Variants in RPS6KC1 observed in about 807,000 individuals in gnomAD.
RPS6KC1 encodes inactive ribosomal protein S6 kinase delta-1.
RPS6KC1 carries 54 observed loss-of-function variants against 103.8 expected under a neutral mutation model. That is an observed-to-expected ratio of 0.52 (90% CI 0.42 to 0.65). RPS6KC1 has a LOEUF of 0.65. Among genes scored for constraint, RPS6KC1 ranks in the 30% least tolerant of loss-of-function variants. The pLI, the probability that RPS6KC1 is intolerant of heterozygous loss-of-function variation, is 0.00. For missense variants in RPS6KC1, 1,151 were observed against 1,253.8 expected (o/e 0.92, Z 1.24); for synonymous variants, 439 against 438.7 (o/e 1.00, Z -0.01).
the RPS6KC1 span, among the ~76,000 whole-genome samples, chr1:213,778,451 C>G: frequency 7.3e-3 from 1,119 of 152,246 alleles, 13 homozygotes; most frequent in African/African-American, 0.026. Flanking sequence ...GGTTTCTCCT[C>G]CTCCATATAA....
intron 6 of RPS6KC1, among the ~76,000 whole-genome samples, chr1:213,146,700 C>T (rs1185527585): frequency 6.6e-6 from 1 of 152,014 alleles, no homozygotes; most frequent in Non-Finnish European, 1.5e-5. Flanking sequence ...GCTGGGATTA[C>T]AGGTGTGAGC....
chr1:213,081,557 T>A (rs1273776109), intron 3 of RPS6KC1, among the ~76,000 whole-genome samples: 2 of 152,106 alleles, frequency 1.3e-5, no homozygotes, highest in Non-Finnish European at 2.9e-5. Flanking sequence ...CCTTCCCAGA[T>A]TGTACTAGGG....
chr1:213,742,385 G>T, the RPS6KC1 span, among the ~76,000 whole-genome samples: 3 of 152,324 alleles, frequency 2.0e-5, no homozygotes, highest in Admixed American at 2.0e-4. Flanking sequence ...TTTCTTCAAA[G>T]ACTATTTTAC....
At chr1:213,172,081 A>G (rs553332460) in intron 7 of RPS6KC1, among the ~76,000 whole-genome samples, 1 of 152,322 alleles carries the variant, frequency 6.6e-6, no homozygotes, top group Admixed American at 6.5e-5. Flanking sequence ...CAGCATCAGC[A>G]TCACCTGAGA....
At chr1:213,552,224 G>A in the RPS6KC1 span, among the ~76,000 whole-genome samples, 1 of 152,212 alleles carries the variant, frequency 6.6e-6, no homozygotes, top group African/African-American at 2.4e-5. Flanking sequence ...ACCAAGTGAT[G>A]TAATTGCTGG....
chr1:213,390,283 T>C, the RPS6KC1 span, among the ~76,000 whole-genome samples: 1 of 152,234 alleles, frequency 6.6e-6, no homozygotes, highest in Non-Finnish European at 1.5e-5. Context: ...TTTACAATCA[T>C]ATGGCTTGAT....
chr1:213,745,918 T>G, the RPS6KC1 span, among the ~76,000 whole-genome samples: 1 of 152,190 alleles, frequency 6.6e-6, no homozygotes, highest in Non-Finnish European at 1.5e-5. Context: ...CGGGACCCTG[T>G]GCTCACTAGG....
chr1:213,409,652 A>G, the RPS6KC1 span, among the ~76,000 whole-genome samples: 1 of 152,246 alleles, frequency 6.6e-6, no homozygotes, highest in South Asian at 2.1e-4. Flanking sequence ...AAGCAGAATG[A>G]CAATACTTTG....
intron 2 of RPS6KC1, among the ~76,000 whole-genome samples, chr1:213,074,379 G>T (rs907861833): frequency 1.3e-5 from 2 of 152,118 alleles, no homozygotes; most frequent in African/African-American, 4.8e-5. Flanking sequence ...AAAGAAAGAG[G>T]TTGTTATAGA....
At chr1:213,507,549 A>AT in the RPS6KC1 span, among the ~76,000 whole-genome samples, 42,701 of 142,790 alleles carry the variant, frequency 0.3, 6,374 homozygotes, top group Middle Eastern at 0.32. Context: ...CAACCCTCTC[A>AT]TTTTTTTTTT....
chr1:213,196,802 C>T (rs1345618836), intron 8 of RPS6KC1, among the ~76,000 whole-genome samples: 1 of 151,928 alleles, frequency 6.6e-6, no homozygotes, highest in East Asian at 1.9e-4. Context: ...AAATATTTGG[C>T]TTTATTTCTA....
At chr1:213,605,518 AC>A in the RPS6KC1 span, among the ~76,000 whole-genome samples, 1 of 151,950 alleles carries the variant, frequency 6.6e-6, no homozygotes, top group Non-Finnish European at 1.5e-5. Flanking sequence ...GACTTAAACG[AC>A]CCCACTGAGC....
At chr1:213,108,814 T>G (rs2082733261) in intron 4 of RPS6KC1, among the ~76,000 whole-genome samples, 1 of 151,824 alleles carries the variant, frequency 6.6e-6, no homozygotes, top group Non-Finnish European at 1.5e-5. Flanking sequence ...ACACCCAGCT[T>G]ATTTTTAAAT....
At chr1:213,251,083 A>G (rs962040121) in intron 12 of RPS6KC1, among the ~76,000 whole-genome samples, 3 of 132,388 alleles carry the variant, frequency 2.3e-5, no homozygotes, top group Non-Finnish European at 3.3e-5. Flanking sequence ...TGTCTTCTTT[A>G]TTCGCCCAGG....
At chr1:213,560,752 C>G in the RPS6KC1 span, among the ~76,000 whole-genome samples, 76 of 152,280 alleles carry the variant, frequency 5.0e-4, no homozygotes, top group African/African-American at 1.7e-3. Context: ...CTCCCCCCCA[C>G]CAAATCTCAC....
At chr1:213,699,139 G>A in the RPS6KC1 span, among the ~76,000 whole-genome samples, 1 of 151,798 alleles carries the variant, frequency 6.6e-6, no homozygotes, top group East Asian at 1.9e-4. Context: ...ATCAAACATC[G>A]GGTCTTATAC....
At chr1:213,642,979 CAT>C in the RPS6KC1 span, among the ~76,000 whole-genome samples, 2,738 of 151,610 alleles carry the variant, frequency 0.018, 62 homozygotes, top group African/African-American at 0.063. Flanking sequence ...ACTAAATTCC[CAT>C]ATATATATAG....
the RPS6KC1 span, among the ~76,000 whole-genome samples, chr1:213,641,156 C>T: frequency 8.9e-6 from 1 of 112,342 alleles, no homozygotes. Context: ...GATTCTTACT[C>T]TTTTACCATT....
the RPS6KC1 span, among the ~76,000 whole-genome samples, chr1:213,735,670 C>A: frequency 6.6e-6 from 1 of 151,124 alleles, no homozygotes; most frequent in Non-Finnish European, 1.5e-5. Context: ...GAAATGAGTA[C>A]AAATGAAGGG....
Sources: gnomAD v4.1 joint callset for allele counts (sites outside exome capture counted in the v4.1 genomes callset) on GRCh38, gnomAD v4.1.1 for gene constraint, MANE v1.5 for transcripts, NCBI Gene and HGNC (gene_info 2026-07-23, HGNC 2026-07-21) for gene names.